WDFY4: variants seen among roughly 807,000 people sequenced by gnomAD.
WDFY4 encodes WD repeat- and FYVE domain-containing protein 4.
Under a neutral mutation model 351.9 loss-of-function variants are expected in WDFY4, and 169 were observed. That is an observed-to-expected ratio of 0.48 (90% CI 0.42 to 0.55). The LOEUF is 0.55. Among genes scored for constraint, WDFY4 ranks in the 20% least tolerant of loss-of-function variants. The probability of loss-of-function intolerance (pLI) is 0.00; values close to 1 mark genes in which losing one functional copy is unlikely to be tolerated. For missense variants in WDFY4, 3,803 were observed against 3,935.6 expected (o/e 0.97, Z 0.90); for synonymous variants, 1,622 against 1,574.6 (o/e 1.03, Z -0.71).
chr10:48,863,921 C>T (rs1465918929), intron 39 of WDFY4, among the ~76,000 whole-genome samples: 2 of 152,046 alleles, frequency 1.3e-5, no homozygotes, highest in Non-Finnish European at 2.9e-5. Flanking sequence ...TGGGGAAGAG[C>T]TCCTTATAAA....
At chr10:48,876,230 A>G (rs750829132) in intron 42 of WDFY4, among the ~76,000 whole-genome samples, 33 of 152,252 alleles carry the variant, frequency 2.2e-4, no homozygotes, top group Admixed American at 9.2e-4. Context: ...TTGCGTGAGC[A>G]GCAGACACTT....
chr10:48,760,577 C>A (rs151283540), intron 13 of WDFY4, 137 bp downstream of exon 13: 3 of 818,618 alleles, frequency 3.7e-6, no homozygotes, highest in Non-Finnish European at 5.8e-6. Flanking sequence ...ATGGGAAACA[C>A]CTATAGTGGG....
chr10:48,727,567 A>T lies in WDFY4; in HGVS notation c.879A>T (p.Gly293=), dbSNP rs773974473. The T allele has an allele frequency of 6.4e-6, 10 of 1,551,796 alleles. No individual in the cohort carries two copies. The highest frequency in any genetic ancestry group is 8.7e-6 in the Non-Finnish European group (10 of 1,147,018). Residue 293 remains glycine (G), a synonymous_variant, in exon 7 of 62, where the codon GGA becomes GGT. Transcript: ENST00000325239. ...GCGAGGCTGTAAGCCTGATCTTGGG[A>T]TTCGTGAAGGACTCCTACCCCGTCT... The part of the protein sequence containing the change: ...EVSEAVSLIL[G]FVKDSYPVSS...
chr10:48,716,866 A>G (rs2063926728), intron 2 of WDFY4, among the ~76,000 whole-genome samples: 1 of 152,194 alleles, frequency 6.6e-6, no homozygotes, highest in South Asian at 2.1e-4. Flanking sequence ...ATTTCTAGGG[A>G]GGGAAATCAT....
At chr10:48,824,535 A>C (rs1290749571) in intron 35 of WDFY4, among the ~76,000 whole-genome samples, 1 of 152,200 alleles carries the variant, frequency 6.6e-6, no homozygotes, top group Non-Finnish European at 1.5e-5. Context: ...AACTTTTTTT[A>C]ACACAAATTT....
chr10:48,816,991 G>T (rs1241101743), intron 31 of WDFY4, among the ~76,000 whole-genome samples: 1 of 152,150 alleles, frequency 6.6e-6, no homozygotes, highest in Admixed American at 6.5e-5. Flanking sequence ...AAAGGCTAGG[G>T]GTAAACATAG....
chr10:48,731,520 C>T lies in WDFY4; in HGVS notation c.1540C>T (p.Leu514=), dbSNP rs1328162369. The T allele has an allele frequency of 7.7e-6, 12 of 1,551,428 alleles. No individual in the cohort carries two copies. The highest frequency in any genetic ancestry group is 2.4e-5 in the East Asian group (1 of 40,916). Residue 514 remains leucine, a synonymous_variant, in exon 9 of 62, where the codon CTG becomes TTG. Transcript: ENST00000325239. ...FRDSGLLGLL[L]AQLRKQAKIM... is the part of the protein sequence containing the mutation. ...GGACTCAGGGCTCCTGGGCCTGCTA[C>T]TGGCACAGCTTCGGAAGCAAGCCAA...
chr10:48,952,690 G>A (rs1841385508), intron 51 of WDFY4, among the ~76,000 whole-genome samples: 1 of 151,970 alleles, frequency 6.6e-6, no homozygotes, highest in Non-Finnish European at 1.5e-5. Flanking sequence ...AATGCAGGCA[G>A]CGTGGTTTCA....
chr10:48,840,527 A>AC (rs2068568965), intron 39 of WDFY4, among the ~76,000 whole-genome samples: 1 of 151,378 alleles, frequency 6.6e-6, no homozygotes, highest in Non-Finnish European at 1.5e-5. Context: ...GCACACCCCC[A>AC]CCCACACACA....
chr10:48,705,166 A>G (rs1264170172), intron 1 of WDFY4, among the ~76,000 whole-genome samples: 1 of 152,182 alleles, frequency 6.6e-6, no homozygotes, highest in Non-Finnish European at 1.5e-5. Flanking sequence ...TTTTATGAAA[A>G]ATGCCCTGAG....
rs142418146 is a variant in WDFY4 at position 48,963,059 on chromosome 10, T to A, written c.8224-783T>A. Among the ~76,000 whole-genome samples the A allele has an allele frequency of 1.7e-3, 255 of 152,318 alleles. 1 individual carries two copies. Among genetic ancestry groups the A allele is most frequent in the Non-Finnish European group, 2.2e-3 (152 of 68,020 alleles). On this transcript the variant is annotated intron_variant, in intron 53 of 61. Transcript: ENST00000325239. ...TGAAGTGAGATCTGCTCAGTGAGACTGGATGCCCCCTGTGAGGTTCTGAGG... is the reference window on the plus strand; with the variant it reads ...TGAAGTGAGATCTGCTCAGTGAGACAGGATGCCCCCTGTGAGGTTCTGAGG...
intron 13 of WDFY4, among the ~76,000 whole-genome samples, chr10:48,764,124 C>T (rs1194753222): frequency 2.0e-5 from 3 of 152,344 alleles, no homozygotes; most frequent in East Asian, 3.9e-4. Flanking sequence ...CACTTGCTCT[C>T]TCTCCTCTAT....
At chr10:48,690,479 G>C (rs1195381051) in intron 1 of WDFY4, among the ~76,000 whole-genome samples, 1 of 152,228 alleles carries the variant, frequency 6.6e-6, no homozygotes, top group Non-Finnish European at 1.5e-5. Flanking sequence ...GAGGGATGCA[G>C]TCATGTGGAG....
chr10:48,908,587 A>T (rs1589851007), intron 47 of WDFY4, among the ~76,000 whole-genome samples: 1 of 150,714 alleles, frequency 6.6e-6, no homozygotes, highest in East Asian at 1.9e-4. Flanking sequence ...CACTGGGCAG[A>T]TGTATAAGGA....
At position 48,733,985 on chromosome 10, in the gene WDFY4, T is replaced by C. The variant is rs1219452767; in HGVS notation, c.1637T>C (p.Val546Ala). Reference sequence around the variant, plus strand: ...GATCCAGAAAGAGAACTCACCTGTGTGATGCTGAGGATTGTAGTCACACTT... The same window carrying C: ...GATCCAGAAAGAGAACTCACCTGTGCGATGCTGAGGATTGTAGTCACACTT... ...VQDPERELTC[V>A]MLRIVVTLLK... is the part of the protein sequence containing the mutation. Residue 546 changes from valine to alanine, a missense_variant, in exon 10 of 62, where the codon GTG becomes GCG. Val to Ala is a moderately conservative substitution (Grantham distance 64). This residue lies in a region of WDFY4 where 261 missense variants were observed against 330.2 expected (regional missense o/e 0.79). Transcript: ENST00000325239. 6.4e-7 allele frequency: 1 copy of C among 1,551,796 alleles called. No individual in the cohort carries two copies. The highest frequency in any genetic ancestry group is 8.7e-7 in the Non-Finnish European group (1 of 1,147,050).
chr10:48,943,791 C>G (rs1312310036), intron 49 of WDFY4, among the ~76,000 whole-genome samples: 1 of 152,180 alleles, frequency 6.6e-6, no homozygotes, highest in Non-Finnish European at 1.5e-5. Context: ...GAGGGGGTTT[C>G]ACCATGTTGG....
Position 48,743,331 on chromosome 10 carries a change from A to C in WDFY4, c.2242A>C (p.Thr748Pro). ...KARPFADLLGTAFSSSGSLPP... is the reference protein window; with the variant it reads ...KARPFADLLGPAFSSSGSLPP... ...CAGGCCATTTGCAGATTTGCTGGGC[A>C]CTGCCTTTTCCTCCAGCGGCTCACT... The change falls in exon 12 of 62, where the codon ACT becomes CCT. Residue 748 changes from threonine to proline, a missense_variant. Transcript: ENST00000325239. 6.4e-7 allele frequency: 1 copy of C among 1,551,614 alleles called. No homozygotes were observed.
rs1232387781 is a variant in WDFY4, at chr10:48,941,808, G to A, written c.7589G>A (p.Arg2530Lys). 2.6e-6 allele frequency: 4 copies of A among 1,552,148 alleles called. No homozygotes were observed. Among genetic ancestry groups the A allele is most frequent in the Non-Finnish European group, 2.6e-6 (3 of 1,147,062 alleles). ...CACCTTGGTTTTCTGTCCCACAGGA[G>A]ATACCCCGGCTCTGACAGGATCATG... Reference protein sequence around the residue: ...ATSEDTLSLRRYPGSDRIMLQ... With the variant: ...ATSEDTLSLRKYPGSDRIMLQ... The change falls in exon 48 of 62, where the codon AGA becomes AAA. Residue 2530 changes from arginine to lysine, a missense_variant and splice_region_variant. Physicochemically the swap from Arg to Lys is conservative, Grantham distance 26. Around this residue, in one of 3 missense-constraint regions of WDFY4, gnomAD observed 3,054 missense variants for 3,148.6 expected, o/e 0.97. Coordinates refer to ENST00000325239, the MANE Select transcript of WDFY4 (RefSeq NM_001394531.1).
chr10:48,716,940 G>C (rs1448529540), intron 2 of WDFY4, among the ~76,000 whole-genome samples: 1 of 152,236 alleles, frequency 6.6e-6, no homozygotes, highest in Non-Finnish European at 1.5e-5. Flanking sequence ...ACATGTCTGA[G>C]TGGCAGTTGG....
Sources: gnomAD v4.1 joint callset for allele counts (sites outside exome capture counted in the v4.1 genomes callset) on GRCh38, gnomAD v4.1.1 for gene constraint, gnomAD v4.1.1 regional missense constraint, MANE v1.5 for transcripts, NCBI Gene and HGNC (gene_info 2026-07-23, HGNC 2026-07-21) for gene names.